Variants in GBE1 observed in about 807,000 individuals in gnomAD.
The protein encoded by GBE1 is 1,4-alpha-glucan branching enzyme 1.
GBE1 carries 70 observed loss-of-function variants against 88.8 expected under a neutral mutation model. The ratio of observed to expected loss-of-function variants is 0.79; its 90% confidence interval spans 0.65 to 0.96. The LOEUF is 0.96. GBE1 is among the 40% of genes least tolerant of loss of function. The pLI, the probability that GBE1 is intolerant of heterozygous loss-of-function variation, is 0.00. For missense variants in GBE1, 872 were observed against 871.0 expected, an observed-to-expected ratio of 1.00 and a Z score of -0.01; for synonymous variants, 284 against 300.1, an observed-to-expected ratio of 0.95 and a Z score of 0.56.
At chr3:81,750,828 G>A (rs572663568) in intron 1 of GBE1, among the ~76,000 whole-genome samples, 18 of 148,978 alleles carry the variant, frequency 1.2e-4, no homozygotes, top group African/African-American at 3.2e-4. Flanking sequence ...CTATAGGTGC[G>A]TGCCACCACG....
At chr3:81,520,081 G>A (rs993986885) in intron 14 of GBE1, among the ~76,000 whole-genome samples, 1 of 151,464 alleles carries the variant, frequency 6.6e-6, no homozygotes, top group Non-Finnish European at 1.5e-5. Context: ...TACCTGCCAT[G>A]GGCTGGAGGG....
At chr3:81,667,882 C>T (rs567115053) in intron 3 of GBE1, among the ~76,000 whole-genome samples, 1 of 152,222 alleles carries the variant, frequency 6.6e-6, no homozygotes, top group East Asian at 1.9e-4. Context: ...CATTGATGTT[C>T]ATCAGGGAAA....
At chr3:81,749,070 C>G (rs545171663) in intron 1 of GBE1, among the ~76,000 whole-genome samples, 6 of 151,668 alleles carry the variant, frequency 4.0e-5, no homozygotes, top group African/African-American at 1.4e-4. Context: ...AAAACAAATG[C>G]TTGCCACGTG....
rs112068404 is a variant in GBE1, at chr3:81,536,682, A to G, written c.1803+229T>C. On this transcript the variant is annotated intron_variant, in intron 13 of 15. Coordinates refer to ENST00000429644, the MANE Select transcript of GBE1 (RefSeq NM_000158.4). ...AAAATACAAATTACTAAATTTAAAC[A>G]GTAACAAACAAACCAGGAAACTAAG... is the stretch of plus-strand genomic sequence containing the variant. 3.0e-4 allele frequency among the ~76,000 whole-genome samples: 46 copies of G among 152,198 alleles called. 1 individual carries two copies. The highest frequency in any genetic ancestry group is 1.1e-3 in the African/African-American group (45 of 41,570).
At chr3:81,670,046 A>T (rs1042666517) in intron 3 of GBE1, among the ~76,000 whole-genome samples, 2 of 152,258 alleles carry the variant, frequency 1.3e-5, no homozygotes, top group African/African-American at 4.8e-5. Context: ...GAAGGAAGAC[A>T]CAAGGGACAT....
chr3:81,697,559 C>A (rs1252072552), intron 2 of GBE1, among the ~76,000 whole-genome samples: 1 of 152,124 alleles, frequency 6.6e-6, no homozygotes, highest in African/African-American at 2.4e-5. Flanking sequence ...CTTGGCCTCG[C>A]AAAGTGCTGG....
At chr3:81,626,502 G>A (rs780800845) in intron 7 of GBE1, among the ~76,000 whole-genome samples, 110 of 152,140 alleles carry the variant, frequency 7.2e-4, no homozygotes, top group Non-Finnish European at 1.3e-3. Context: ...CGTTCCTGAG[G>A]AACTGATTTT....
intron 12 of GBE1, among the ~76,000 whole-genome samples, chr3:81,537,631 C>T (rs1173796155): frequency 6.6e-6 from 1 of 152,000 alleles, no homozygotes; most frequent in Non-Finnish European, 1.5e-5. Context: ...AAATTGAGTT[C>T]CTCTCATTAA....
intron 9 of GBE1, among the ~76,000 whole-genome samples, chr3:81,590,651 A>G (rs1377539338): frequency 6.6e-6 from 1 of 152,096 alleles, no homozygotes; most frequent in Non-Finnish European, 1.5e-5. Context: ...GCAGGCAGCA[A>G]TCCATCCTAT....
chr3:81,722,686 G>A (rs1368022209), intron 1 of GBE1, among the ~76,000 whole-genome samples: 3 of 151,694 alleles, frequency 2.0e-5, no homozygotes, highest in Non-Finnish European at 4.4e-5. Context: ...TCAAATCACT[G>A]TAATAGTAGT....
intron 7 of GBE1, among the ~76,000 whole-genome samples, chr3:81,622,508 C>T (rs1704346897): frequency 6.6e-6 from 1 of 152,228 alleles, no homozygotes; most frequent in South Asian, 2.1e-4. Flanking sequence ...TACAAGCTCA[C>T]TGCTTTGAAT....
At chr3:81,641,929 A>G (rs1576181885) in intron 7 of GBE1, among the ~76,000 whole-genome samples, 1 of 149,242 alleles carries the variant, frequency 6.7e-6, no homozygotes, top group Admixed American at 6.7e-5. Context: ...TAATATGTAT[A>G]TAATACATAT....
chr3:81,748,576 A>C (rs554039163), intron 1 of GBE1, among the ~76,000 whole-genome samples: 1 of 152,282 alleles, frequency 6.6e-6, no homozygotes, highest in East Asian at 1.9e-4. Context: ...GCGCCACTGC[A>C]CTCCAGCCTG....
chr3:81,621,336 T>G (rs1219320724), intron 7 of GBE1, among the ~76,000 whole-genome samples: 1 of 152,216 alleles, frequency 6.6e-6, no homozygotes, highest in Non-Finnish European at 1.5e-5. Flanking sequence ...TGTGAATCTT[T>G]TTATTGTTGC....
At chr3:81,612,107 T>A (rs751637619) in intron 7 of GBE1, 58 of 273,958 alleles carry the variant, frequency 2.1e-4, no homozygotes, top group Non-Finnish European at 3.3e-4. Context: ...ACTTTCAAAT[T>A]ATAGGAATAT....
rs5850531 is a variant in GBE1 at position 81,664,439 on chromosome 3, C to CAA, written c.429+6397_429+6398dup. Among the ~76,000 whole-genome samples, 622 of 89,512 alleles carry CAA rather than the reference C, an allele frequency of 6.9e-3. 2 individuals are homozygous for CAA. Among genetic ancestry groups the CAA allele is most frequent in the African/African-American group, 0.023 (593 of 25,266 alleles). The allele number at this position is 89,512 out of a possible 152,430, so 58.7% of individuals were successfully genotyped here. The stretch of plus-strand genomic sequence containing the variant: ...GCAAAAATAGAAAACTTGAATGTGT[C>CAA]AAAAAAAAAAAAAAAAAAACCTGCC... On this transcript the variant is annotated intron_variant, in intron 3 of 15. Coordinates refer to ENST00000429644, the MANE Select transcript of GBE1 (RefSeq NM_000158.4).
At chr3:81,756,407 A>G (rs576171050) in intron 1 of GBE1, among the ~76,000 whole-genome samples, 1 of 152,362 alleles carries the variant, frequency 6.6e-6, no homozygotes, top group Non-Finnish European at 1.5e-5. Context: ...TGAAGTCAGA[A>G]GATATTCACT....
chr3:81,688,379 C>T (rs773115678), intron 2 of GBE1, among the ~76,000 whole-genome samples: 27 of 152,340 alleles, frequency 1.8e-4, no homozygotes, highest in South Asian at 1.0e-3. Flanking sequence ...TGTACCCCAA[C>T]GCCTAACACA....
chr3:81,735,237 C>A (rs1479611615), intron 1 of GBE1, among the ~76,000 whole-genome samples: 1 of 152,132 alleles, frequency 6.6e-6, no homozygotes, highest in African/African-American at 2.4e-5. Flanking sequence ...CATATTTGAT[C>A]TCCAAGATCC....
Sources: allele counts gnomAD v4.1 joint callset (sites outside exome capture counted in the v4.1 genomes callset), GRCh38; gene constraint gnomAD v4.1.1; transcripts MANE v1.5; gene names NCBI Gene and HGNC (gene_info 2026-07-23, HGNC 2026-07-21).